Variants in PARN observed in about 807,000 individuals in gnomAD.
PARN encodes the protein poly(A)-specific ribonuclease PARN.
PARN carries 71 observed loss-of-function variants against 102.8 expected under a neutral mutation model. That is an observed-to-expected ratio of 0.69 (90% confidence interval 0.57 to 0.84). PARN has a LOEUF of 0.84. Ranked by LOEUF, PARN falls within the 40% of genes least tolerant of loss-of-function variation. PARN has a pLI of 0.00. For synonymous variants in PARN, 261 were observed against 252.9 expected, an observed-to-expected ratio of 1.03 and a Z score of -0.30; for missense variants, 782 against 760.9, an observed-to-expected ratio of 1.03 and a Z score of -0.33.
chr16:14,527,109 G>C (rs1286092934), intron 21 of PARN, among the ~76,000 whole-genome samples: 3 of 152,238 alleles, frequency 2.0e-5, no homozygotes, highest in African/African-American at 7.2e-5. Context: ...AGGCCCAACA[G>C]ACCTAACTGA....
chr16:14,463,540 T>G (rs978262347), intron 22 of PARN, among the ~76,000 whole-genome samples: 4 of 152,114 alleles, frequency 2.6e-5, no homozygotes, highest in Admixed American at 2.0e-4. Context: ...AGTAGGACAC[T>G]GAAGGGTATT....
At chr16:14,590,150 C>T (rs1294194094) in intron 13 of PARN, among the ~76,000 whole-genome samples, 5 of 137,716 alleles carry the variant, frequency 3.6e-5, no homozygotes, top group African/African-American at 1.1e-4. Flanking sequence ...ACTCGGGGGG[C>T]TGAGTCAAGA....
chr16:14,502,240 C>A (rs780388865), intron 21 of PARN, among the ~76,000 whole-genome samples: 6 of 152,230 alleles, frequency 3.9e-5, no homozygotes, highest in Non-Finnish European at 8.8e-5. Flanking sequence ...TAAAGCTGAA[C>A]TTTGCCTTTA....
intron 13 of PARN, among the ~76,000 whole-genome samples, chr16:14,591,255 G>A (rs1475820948): frequency 2.1e-4 from 32 of 152,098 alleles, no homozygotes; most frequent in Admixed American, 2.1e-3. Flanking sequence ...GCAGGGCGTG[G>A]TGGTGCACGC....
At chr16:14,444,566 T>C (rs1961105784) in intron 23 of PARN, among the ~76,000 whole-genome samples, 2 of 152,188 alleles carry the variant, frequency 1.3e-5, no homozygotes, top group Admixed American at 1.3e-4. Flanking sequence ...TATGCTGATA[T>C]AGAGGGGAAA....
chr16:14,610,807 T>C lies in PARN; in HGVS notation c.391A>G (p.Ile131Val). The change falls in exon 7 of 24, where the codon ATT becomes GTT. Residue 131 changes from isoleucine (I) to valine (V), a missense_variant and splice_region_variant. Physicochemically the swap from Ile to Val is conservative, Grantham distance 29. Transcript: ENST00000437198. ...FDFNKVFRNG[I>V]PYLNQEEERQ... ...TCTTCTTCCTGATTTAAATATGGAA[T>C]TCCTAAACACGATTTTAAAAAGAAT... is the stretch of plus-strand genomic sequence containing the variant. 1 of 1,601,864 alleles carries C rather than the reference T, an allele frequency of 6.2e-7. No individual in the cohort carries two copies. The highest frequency in any genetic ancestry group is 8.5e-7 in the Non-Finnish European group (1 of 1,169,906).
intron 12 of PARN, among the ~76,000 whole-genome samples, chr16:14,594,588 T>C (rs1401771995): frequency 2.6e-5 from 4 of 152,044 alleles, no homozygotes; most frequent in Admixed American, 1.3e-4. Flanking sequence ...TGGTGGCAGA[T>C]GCCTGTAATC....
intron 21 of PARN, among the ~76,000 whole-genome samples, chr16:14,520,712 ATC>A (rs1412545358): frequency 6.6e-6 from 1 of 151,918 alleles, no homozygotes; most frequent in Non-Finnish European, 1.5e-5. Flanking sequence ...AAAAAAAAAA[ATC>A]TGTTTTTAAG....
rs180686478 is a variant in PARN, at chr16:14,441,232, T to C, written c.1865-4460A>G. 1.1e-3 allele frequency among the ~76,000 whole-genome samples: 162 copies of C among 152,300 alleles called. 1 individual carries two copies. The highest frequency in any genetic ancestry group is 3.5e-3 in the African/African-American group (144 of 41,572). On this transcript the variant is annotated intron_variant, in intron 23 of 23. Coordinates refer to ENST00000437198, the MANE Select transcript of PARN (RefSeq NM_002582.4). ...ATCAAGTTGGGGGCTGGGGGCTTAATTGTCTTCTATTTTTCTGCATTTTCC... is the reference window on the plus strand; with the variant it reads ...ATCAAGTTGGGGGCTGGGGGCTTAACTGTCTTCTATTTTTCTGCATTTTCC...
intron 21 of PARN, among the ~76,000 whole-genome samples, chr16:14,544,506 TG>T (rs1567367968): frequency 6.6e-6 from 1 of 152,062 alleles, no homozygotes; most frequent in Admixed American, 6.6e-5. Context: ...AGCCAGGAGG[TG>T]GAGGTTGCAG....
chr16:14,615,703 C>T (rs1035223740), intron 6 of PARN, among the ~76,000 whole-genome samples: 1 of 152,062 alleles, frequency 6.6e-6, no homozygotes, highest in South Asian at 2.1e-4. Context: ...GAGTTCAAGA[C>T]CAGCCCAGCC....
intron 18 of PARN, among the ~76,000 whole-genome samples, chr16:14,570,519 G>A (rs994900669): frequency 2.7e-5 from 4 of 150,904 alleles, no homozygotes; most frequent in Admixed American, 1.3e-4. Flanking sequence ...ACACGGTGGC[G>A]CATGCTTGTA....
chr16:14,525,045 G>A (rs1965925631), intron 21 of PARN, among the ~76,000 whole-genome samples: 2 of 152,158 alleles, frequency 1.3e-5, no homozygotes, highest in African/African-American at 4.8e-5. Flanking sequence ...CTACTACTAC[G>A]AAATATGAGG....
chr16:14,525,553 G>A (rs1243447991), intron 21 of PARN, among the ~76,000 whole-genome samples: 1 of 152,158 alleles, frequency 6.6e-6, no homozygotes, highest in Non-Finnish European at 1.5e-5. Context: ...GAGGCTGTGT[G>A]CTCTGCTGGG....
In PARN at chr16:14,553,983, C is replaced by T. The variant is rs1383041913; in HGVS notation, c.1405+82G>A. The T allele has an allele frequency of 3.8e-5, 32 of 832,834 alleles. No homozygotes were observed. The East Asian group carries it at 8.6e-4, about 22-fold the overall frequency. 51.6% of individuals were successfully genotyped at this position (832,834 alleles called of 1,614,324 possible). On this transcript the variant is annotated intron_variant, in intron 20 of 23. Transcript: ENST00000437198. ...ATATTAACATTCTTTTATACGCAGG[C>T]CAAAACTATCTTTCTACTTCTGACC...
intron 21 of PARN, among the ~76,000 whole-genome samples, chr16:14,551,025 G>A (rs1000575754): frequency 2.0e-5 from 3 of 151,374 alleles, no homozygotes; most frequent in East Asian, 2.0e-4. Flanking sequence ...CAGTGGGTGC[G>A]GATGTTGGCT....
At chr16:14,531,296 A>G (rs1966315167) in intron 21 of PARN, among the ~76,000 whole-genome samples, 1 of 151,940 alleles carries the variant, frequency 6.6e-6, no homozygotes, top group South Asian at 2.1e-4. Flanking sequence ...AGGGAGGCAG[A>G]GGTTGCAGTG....
chr16:14,601,143 G>T (rs1596816491), intron 11 of PARN, among the ~76,000 whole-genome samples: 1 of 152,020 alleles, frequency 6.6e-6, no homozygotes, highest in East Asian at 1.9e-4. Context: ...TGAAAGCAGG[G>T]ACTCAAATAG....
At chr16:14,613,103 A>T (rs1971619653) in intron 6 of PARN, among the ~76,000 whole-genome samples, 1 of 151,714 alleles carries the variant, frequency 6.6e-6, no homozygotes, top group South Asian at 2.1e-4. Context: ...TGAGGTCGTG[A>T]GTTCAAGACC....
Sources: gnomAD v4.1 joint callset for allele counts (sites outside exome capture counted in the v4.1 genomes callset) on GRCh38, gnomAD v4.1.1 for gene constraint, MANE v1.5 for transcripts, NCBI Gene and HGNC (gene_info 2026-07-23, HGNC 2026-07-21) for gene names.